The following CASP2 variants were observed in gnomAD, a reference collection of about 807,000 sequenced individuals.
CASP2 encodes caspase-2.
Under a neutral mutation model 54.4 loss-of-function variants are expected in CASP2, and 38 were observed. The observed-to-expected ratio is 0.70, with a 90% CI of 0.54 to 0.92. The LOEUF (loss-of-function observed/expected upper bound fraction) is 0.92. Ranked by LOEUF, CASP2 falls within the 40% of genes least tolerant of loss-of-function variation. CASP2 has a pLI of 0.00. For missense variants in CASP2, 512 were observed against 579.6 expected (o/e 0.88, Z 1.20); for synonymous variants, 215 against 216.3 (o/e 0.99, Z 0.05).
intron 1 of CASP2, 93 bp from the exon 2 acceptor site, chr7:143,291,447 T>C (rs570514842): frequency 6.4e-6 from 8 of 1,253,198 alleles, no homozygotes; most frequent in African/African-American, 4.4e-5. Flanking sequence ...GTAAGTCTTA[T>C]TCTTTTTGTT....
rs4647314 is a variant in CASP2 at position 143,297,604 on chromosome 7, G to A, written c.748-2319G>A. On this transcript the variant is annotated intron_variant, in intron 6 of 10. Transcript: ENST00000310447. Reference sequence around the variant, plus strand: ...TGGGATTACAGGCGCATGCCACCACGCCCGGCTAATTTTTGTATTTTTAGT... The same window carrying A: ...TGGGATTACAGGCGCATGCCACCACACCCGGCTAATTTTTGTATTTTTAGT... Among the ~76,000 whole-genome samples the A allele has an allele frequency of 2.6e-3, 396 of 152,136 alleles. 2 individuals carry two copies. Among genetic ancestry groups the A allele is most frequent in the African/African-American group, 9.2e-3 (380 of 41,518 alleles).
chr7:143,303,291 G>A (rs1801971453), intron 8 of CASP2: 1 of 153,562 alleles, frequency 6.5e-6, no homozygotes, highest in Non-Finnish European at 1.4e-5. Context: ...ATAGTTCGAG[G>A]TTGTGATTTT....
rs144511554 is a variant in CASP2, at chr7:143,288,362, C to A, written c.-94C>A. On this transcript the variant is annotated 5_prime_UTR_variant, in exon 1 of 11. Coordinates refer to ENST00000310447, the MANE Select transcript of CASP2 (RefSeq NM_032982.4). ...GCGCAGGCGCAGGCGCAGTGTGCGT[C>A]CGCGTCTGAGGGGAGGGATGTGGGG... 42,489 of 1,283,584 alleles carry A rather than the reference C, an allele frequency of 0.033. 886 individuals are homozygous for A. Among genetic ancestry groups the A allele is most frequent in the Non-Finnish European group, 0.04 (35,809 of 901,816 alleles). 79.5% of individuals were successfully genotyped at this position (1,283,584 alleles called of 1,614,324 possible). A position where few individuals can be genotyped will look rare whatever the true frequency, so the allele number is the denominator to read the frequency against.
intron 10 of CASP2, 48 bp downstream of exon 10, chr7:143,304,831 CTT>C (rs1477121002): frequency 6.2e-7 from 1 of 1,604,700 alleles, no homozygotes; most frequent in African/African-American, 1.3e-5. Context: ...CAGTGCTCTA[CTT>C]TCCTCCTCTC....
chr7:143,297,556 C>T (rs1052814879), intron 6 of CASP2, among the ~76,000 whole-genome samples: 4 of 152,196 alleles, frequency 2.6e-5, no homozygotes, highest in African/African-American at 9.6e-5. Flanking sequence ...AAGCAATTCT[C>T]CTGTCTCAGC....
At chr7:143,293,127 T>TG (rs745544109) in intron 4 of CASP2, 232 of 655,416 alleles carry the variant, frequency 3.5e-4, no homozygotes, top group South Asian at 3.0e-3. Context: ...TTTTTTTTTT[T>TG]TTGTTGTGTT....
At chr7:143,304,821 C>G (rs773894052) in intron 10 of CASP2, 38 bp downstream of exon 10, 3 of 1,603,514 alleles carry the variant, frequency 1.9e-6, no homozygotes, top group Middle Eastern at 1.7e-4. Flanking sequence ...TGTGTCTCCA[C>G]AGTGCTCTAC....
At chr7:143,298,195 C>T (rs1801812207) in intron 6 of CASP2, among the ~76,000 whole-genome samples, 1 of 152,174 alleles carries the variant, frequency 6.6e-6, no homozygotes, top group African/African-American at 2.4e-5. Flanking sequence ...AGAACTACTG[C>T]AATATGTTAT....
rs141615673 is a variant in CASP2 at position 143,294,744 on chromosome 7, G to A, written c.718G>A (p.Val240Ile). 3.2e-5 allele frequency: 52 copies of A among 1,614,174 alleles called. No homozygotes were observed. The African/African-American group carries it at 5.1e-4, about 16-fold the overall frequency. Reference protein sequence around the residue: ...VTLFKLLGYDVHVLCDQTAQE... With the variant: ...VTLFKLLGYDIHVLCDQTAQE... ...CCTCTTCAAGCTTTTGGGCTATGAC[G>A]TCCATGTTCTATGTGACCAGACTGC... Residue 240 changes from valine to isoleucine, a missense_variant, in exon 6 of 11, where the codon GTC (valine) becomes ATC (isoleucine). Around this residue, in one of 3 missense-constraint regions of CASP2, gnomAD observed 417 missense variants for 495.4 expected, o/e 0.84. Transcript: ENST00000310447.
At chr7:143,297,191 G>C (rs1801781874) in intron 6 of CASP2, among the ~76,000 whole-genome samples, 1 of 152,136 alleles carries the variant, frequency 6.6e-6, no homozygotes, top group East Asian at 1.9e-4. Context: ...AATACACTTA[G>C]GAGTTAAGAA....
intron 10 of CASP2, 23 bp downstream of exon 10, chr7:143,304,806 C>A (rs775320685): frequency 1.9e-6 from 3 of 1,605,414 alleles, no homozygotes; most frequent in Non-Finnish European, 2.6e-6. Context: ...GCTCCGTGAC[C>A]CCTGTGTGTC....
At chr7:143,289,150 G>C (rs554800822) in intron 1 of CASP2, among the ~76,000 whole-genome samples, 11 of 152,276 alleles carry the variant, frequency 7.2e-5, no homozygotes, top group African/African-American at 1.9e-4. Context: ...AATGCCTCCT[G>C]CTCGAGACTG....
rs1366364947 is a variant in CASP2 at position 143,300,816 on chromosome 7, G to A, written c.967+522G>A. 6.9e-6 allele frequency: 8 copies of A among 1,152,240 alleles called. No individual in the cohort carries two copies. In the African/African-American group the frequency reaches 1.3e-4, roughly 19 times the overall value. The allele number at this position is 1,152,240 out of a possible 1,614,324, so 71.4% of individuals were successfully genotyped here. On this transcript the variant is annotated intron_variant, in intron 8 of 10. Coordinates refer to ENST00000310447, the MANE Select transcript of CASP2 (RefSeq NM_032982.4). ...GGATAGCAGAACAGAATCCGTGTTG[G>A]CCTTTGACTCTTCCTTTTCCGTGAG...
In CASP2 at chr7:143,292,429, C is replaced by T. The variant is rs570907619; in HGVS notation, c.355C>T (p.Leu119Phe). 6.2e-7 allele frequency: 1 copy of T among 1,614,156 alleles called. No individual in the cohort carries two copies. Among genetic ancestry groups the T allele is most frequent in the African/African-American group, 1.3e-5 (1 of 75,036 alleles). ...TKQGHLEDMLLTTLSGLQHVL... is the reference protein window; with the variant it reads ...TKQGHLEDMLFTTLSGLQHVL... ...GCAAGGCCACCTGGAGGATATGTTG[C>T]TCACCACCCTTTCTGGGCTTCAGCA... is the stretch of plus-strand genomic sequence containing the variant. The change falls in exon 3 of 11, where the codon CTC becomes TTC. Residue 119 changes from leucine to phenylalanine, a missense_variant. By Grantham distance (22) the Leu-to-Phe change is conservative. Around this residue, in one of 3 missense-constraint regions of CASP2, gnomAD observed 417 missense variants for 495.4 expected, o/e 0.84. Transcript: ENST00000310447.
chr7:143,305,173 C>A lies in CASP2; in HGVS notation c.*102C>A. 6.9e-7 allele frequency: 1 copy of A among 1,458,996 alleles called. No homozygotes were observed. The highest frequency in any genetic ancestry group is 9.5e-7 in the Non-Finnish European group (1 of 1,049,824). 90.4% of individuals were successfully genotyped at this position (1,458,996 alleles called of 1,614,324 possible). A position where few individuals can be genotyped will look rare whatever the true frequency, so the allele number is the denominator to read the frequency against. On this transcript the variant is annotated 3_prime_UTR_variant, in exon 11 of 11. Transcript: ENST00000310447. ...ATGCACGGTTTCTGTTCTGCCCCCT[C>A]AGGGATGTGGGAATCTCCCAGACTT...
chr7:143,292,314 T>A lies in CASP2; in HGVS notation c.240T>A (p.Ser80Arg). 6.2e-7 allele frequency: 1 copy of A among 1,614,146 alleles called. No individual in the cohort carries two copies. Among genetic ancestry groups the A allele is most frequent in the East Asian group, 2.2e-5 (1 of 44,884 alleles). Residue 80 changes from serine (S) to arginine (R), a missense_variant, in exon 3 of 11, where the codon AGT (serine) becomes AGA (arginine). Coordinates refer to ENST00000310447, the MANE Select transcript of CASP2 (RefSeq NM_032982.4). ...MRELIQAKVG[S>R]FSQNVELLNL... ...TTGTGTCTTAGGCCAAAGTGGGCAG[T>A]TTCAGCCAGAATGTGGAACTCCTCA...
In CASP2 at chr7:143,291,586, A is replaced by T; in HGVS notation, c.121A>T (p.Lys41Ter). ...GMHPHHQETL[K>*]KNRVVLAKQL... The stretch of plus-strand genomic sequence containing the variant: ...GCATCCTCATCATCAGGAAACTCTA[A>T]AAAAGAACCGAGTGGTGCTAGCCAA... The change falls in exon 2 of 11, where the codon AAA (lysine) becomes TAA (stop). Residue 41 changes from lysine (K) to a stop codon, truncating the protein, a stop_gained. Transcript: ENST00000310447. LOFTEE classifies it high-confidence loss of function. 1 of 1,614,056 alleles carries T rather than the reference A, an allele frequency of 6.2e-7. No homozygotes were observed. Among genetic ancestry groups the T allele is most frequent in the Non-Finnish European group, 8.5e-7 (1 of 1,179,996 alleles).
chr7:143,293,209 C>T (rs1258852543), intron 4 of CASP2: 15 of 614,784 alleles, frequency 2.4e-5, no homozygotes, highest in South Asian at 9.6e-5. Context: ...CTCACTGCAG[C>T]GTTGAACTCC....
intron 2 of CASP2, 132 bp from the exon 3 acceptor site, chr7:143,292,168 A>T: frequency 2.5e-6 from 2 of 815,562 alleles, no homozygotes; most frequent in Non-Finnish European, 4.1e-6. Flanking sequence ...AACAGAAAGG[A>T]CTTCACCCAT....
Sources: allele counts gnomAD v4.1 joint callset (sites outside exome capture counted in the v4.1 genomes callset), GRCh38; gene constraint gnomAD v4.1.1; regional missense constraint gnomAD v4.1.1; transcripts MANE v1.5; gene names NCBI Gene and HGNC (gene_info 2026-07-23, HGNC 2026-07-21).